Variants in MLYCD observed in about 807,000 individuals in gnomAD.
The protein encoded by MLYCD is malonyl-CoA decarboxylase.
Under a neutral mutation model 35.8 loss-of-function variants are expected in MLYCD, and 27 were observed. The observed-to-expected ratio is 0.75, with a 90% CI of 0.56 to 1.04. MLYCD has a LOEUF of 1.04. Among genes scored for constraint, MLYCD ranks in the 50% least tolerant of loss-of-function variants. MLYCD has a pLI of 0.00. For synonymous variants in MLYCD, 403 were observed against 302.4 expected (o/e 1.33, Z -3.45); for missense variants, 917 against 665.1 (o/e 1.38, Z -4.17).
intron 3 of MLYCD, among the ~76,000 whole-genome samples, chr16:83,910,813 G>C (rs1249911835): frequency 6.6e-6 from 1 of 152,156 alleles, no homozygotes; most frequent in East Asian, 1.9e-4. Context: ...TCGGGCCTCG[G>C]AGGATATGTC....
At chr16:83,911,065 C>T (rs1474187986) in intron 3 of MLYCD, among the ~76,000 whole-genome samples, 3 of 152,158 alleles carry the variant, frequency 2.0e-5, no homozygotes, top group South Asian at 4.1e-4. Context: ...CAACCTCCGC[C>T]TCCCGGGTTC....
Position 83,916,826 on chromosome 16 carries a change from C to T in MLYCD, c.*1337C>T, listed in dbSNP as rs1266546012. The T allele has an allele frequency of 1.7e-5, 2 of 119,936 alleles. No individual in the cohort carries two copies. The highest frequency in any genetic ancestry group is 3.3e-5 in the African/African-American group (1 of 29,882). 7.4% of individuals were successfully genotyped at this position (119,936 alleles called of 1,614,324 possible). On this transcript the variant is annotated 3_prime_UTR_variant, in exon 5 of 5. Transcript: ENST00000262430. ...CAGTGCACGCCTGTGTGCGTGTGCA[C>T]GAGCGTCTCTGTGTGTCAGTGCACG...
intron 2 of MLYCD, 41 bp downstream of exon 2, chr16:83,907,140 T>C: frequency 1.3e-6 from 2 of 1,491,750 alleles, no homozygotes; most frequent in Admixed American, 1.7e-5. Context: ...CATACATTTT[T>C]CATATATATT....
chr16:83,901,589 C>T (rs748420094), intron 1 of MLYCD, among the ~76,000 whole-genome samples: 6 of 152,188 alleles, frequency 3.9e-5, no homozygotes, highest in Non-Finnish European at 2.9e-5. Flanking sequence ...TTCTCACATC[C>T]GGTCCAATTC....
intron 3 of MLYCD, chr16:83,911,886 C>A: frequency 2.8e-6 from 1 of 355,796 alleles, no homozygotes; most frequent in Non-Finnish European, 5.4e-6. Flanking sequence ...TGAGTGTTGG[C>A]CGGAGAGTTT....
chr16:83,905,483 C>G (rs1906941029), intron 1 of MLYCD, among the ~76,000 whole-genome samples: 1 of 152,178 alleles, frequency 6.6e-6, no homozygotes. Flanking sequence ...CAGCCCAGAG[C>G]TGATTCTGCT....
At position 83,899,568 on chromosome 16, in the gene MLYCD, C is replaced by T. The variant is rs1567630540; in HGVS notation, c.424C>T (p.His142Tyr). The T allele has an allele frequency of 6.3e-7, 1 of 1,593,598 alleles. No homozygotes were observed. Among genetic ancestry groups the T allele is most frequent in the East Asian group, 2.3e-5 (1 of 44,414 alleles). ...ALVPRYRGLF[H>Y]HISKLDGGVR... The stretch of plus-strand genomic sequence containing the variant: ...GGTGCCGCGCTATCGCGGCCTCTTC[C>T]ACCACATCAGCAAGCTGGACGGCGG... Residue 142 changes from histidine to tyrosine, a missense_variant, in exon 1 of 5, where the codon CAC (histidine) becomes TAC (tyrosine). Coordinates refer to ENST00000262430, the MANE Select transcript of MLYCD (RefSeq NM_012213.3).
At chr16:83,904,438 A>G (rs1906906436) in intron 1 of MLYCD, among the ~76,000 whole-genome samples, 1 of 152,224 alleles carries the variant, frequency 6.6e-6, no homozygotes, top group African/African-American at 2.4e-5. Flanking sequence ...GAATTGCTAT[A>G]GTCAAATGCA....
rs113252752 is a variant in MLYCD, at chr16:83,910,690, C to CA, written c.799-1511dup. ...TGGGCGACAGAGCAAGACTCCATCT[C>CA]AAAAAAAAAAAAAAAAAGAAAGGAG... On this transcript the variant is annotated intron_variant, in intron 3 of 4. Coordinates refer to ENST00000262430, the MANE Select transcript of MLYCD (RefSeq NM_012213.3). Among the ~76,000 whole-genome samples, 725 of 93,304 alleles carry CA rather than the reference C, an allele frequency of 7.8e-3. 10 individuals are homozygous for CA. The highest frequency in any genetic ancestry group is 0.032 in the South Asian group (89 of 2,812). The allele number at this position is 93,304 out of a possible 152,430, so 61.2% of individuals were successfully genotyped here. A position where few individuals can be genotyped will look rare whatever the true frequency, so the allele number is the denominator to read the frequency against.
rs1907735701 is a variant in MLYCD at position 83,924,125 on chromosome 16, CAGG to C, written c.*8641_*8643del. The C allele has an allele frequency of 6.6e-6, 1 of 152,296 alleles. No individual in the cohort carries two copies. The allele number at this position is 152,296 out of a possible 1,614,324, so 9.4% of individuals were successfully genotyped here. A position where few individuals can be genotyped will look rare whatever the true frequency, so the allele number is the denominator to read the frequency against. ...GAGGGGCAGCCAGACCACGGGAAGA[CAGG>C]AGGAACCCGGACCTGGCTCTCGTGC... On this transcript the variant is annotated 3_prime_UTR_variant, in exon 5 of 5. Coordinates refer to ENST00000262430, the MANE Select transcript of MLYCD (RefSeq NM_012213.3).
Position 83,915,930 on chromosome 16 carries a change from G to A in MLYCD, c.*441G>A. 1 of 1,074,614 alleles carries A rather than the reference G, an allele frequency of 9.3e-7. No individual in the cohort carries two copies. The highest frequency in any genetic ancestry group is 1.1e-6 in the Non-Finnish European group (1 of 883,146). The allele number at this position is 1,074,614 out of a possible 1,614,324, so 66.6% of individuals were successfully genotyped here. A position where few individuals can be genotyped will look rare whatever the true frequency, so the allele number is the denominator to read the frequency against. Reference sequence around the variant, plus strand: ...CATAAAACAGAATGCGGCGATGGTTGCTTTAGCCGTTTCTCACCATGCAAT... The same window carrying A: ...CATAAAACAGAATGCGGCGATGGTTACTTTAGCCGTTTCTCACCATGCAAT... On this transcript the variant is annotated 3_prime_UTR_variant, in exon 5 of 5. Coordinates refer to ENST00000262430, the MANE Select transcript of MLYCD (RefSeq NM_012213.3).
Position 83,915,731 on chromosome 16 carries a change from C to G in MLYCD, c.*242C>G, listed in dbSNP as rs1907361154. 7.2e-7 allele frequency: 1 copy of G among 1,396,542 alleles called. No homozygotes were observed. Among genetic ancestry groups the G allele is most frequent in the Non-Finnish European group, 9.3e-7 (1 of 1,073,032 alleles). 86.5% of individuals were successfully genotyped at this position (1,396,542 alleles called of 1,614,324 possible). A position where few individuals can be genotyped will look rare whatever the true frequency, so the allele number is the denominator to read the frequency against. Reference sequence around the variant, plus strand: ...ACAAATGAGTGGGTTGCTGTGCTGTCTCCGGAAGATTCTGTCGTTGCCCTT... The same window carrying G: ...ACAAATGAGTGGGTTGCTGTGCTGTGTCCGGAAGATTCTGTCGTTGCCCTT... On this transcript the variant is annotated 3_prime_UTR_variant, in exon 5 of 5. Coordinates refer to ENST00000262430, the MANE Select transcript of MLYCD (RefSeq NM_012213.3).
Position 83,915,598 on chromosome 16 carries a change from C to T in MLYCD, c.*109C>T. On this transcript the variant is annotated 3_prime_UTR_variant, in exon 5 of 5. Coordinates refer to ENST00000262430, the MANE Select transcript of MLYCD (RefSeq NM_012213.3). ...GCTTTCCAAGCAAAGCCAAAGTTGA[C>T]TGTGTTCTTGTCCCGCAGCCGGTCC... 1.9e-6 allele frequency: 3 copies of T among 1,540,946 alleles called. No individual in the cohort carries two copies. In the South Asian group the frequency reaches 3.6e-5, roughly 18 times the overall value.
intron 4 of MLYCD, 113 bp from the exon 5 acceptor site, chr16:83,914,843 C>G: frequency 6.9e-7 from 1 of 1,445,896 alleles, no homozygotes; most frequent in Non-Finnish European, 9.7e-7. Context: ...GTCACTCTGA[C>G]CGCTACACAG....
At chr16:83,914,844 C>T (rs926648685) in intron 4 of MLYCD, 112 bp from the exon 5 acceptor site, 62 of 1,446,864 alleles carry the variant, frequency 4.3e-5, no homozygotes, top group Non-Finnish European at 5.4e-5. Context: ...TCACTCTGAC[C>T]GCTACACAGC....
rs763847510 is a variant in MLYCD, at chr16:83,914,936, A to G, written c.949-20A>G. On this transcript the variant is annotated intron_variant, in intron 4 of 4. Transcript: ENST00000262430. Reference sequence around the variant, plus strand: ...TTGTGTTTTCTCCGCCTTCCTTTCCACCCCAACCATGCTTTACAGAGAGAG... The same window carrying G: ...TTGTGTTTTCTCCGCCTTCCTTTCCGCCCCAACCATGCTTTACAGAGAGAG... The G allele has an allele frequency of 9.3e-6, 15 of 1,613,968 alleles. No individual in the cohort carries two copies. The highest frequency in any genetic ancestry group is 1.2e-5 in the Non-Finnish European group (14 of 1,180,002).
At chr16:83,902,693 A>G (rs1198174627) in intron 1 of MLYCD, among the ~76,000 whole-genome samples, 1 of 151,562 alleles carries the variant, frequency 6.6e-6, no homozygotes, top group Non-Finnish European at 1.5e-5. Context: ...TTTAGGAGAG[A>G]TGGGGTTTTG....
Position 83,922,693 on chromosome 16 carries a change from C to T in MLYCD, c.*7204C>T, listed in dbSNP as rs117191645. On this transcript the variant is annotated 3_prime_UTR_variant, in exon 5 of 5. Coordinates refer to ENST00000262430, the MANE Select transcript of MLYCD (RefSeq NM_012213.3). ...TGTATATAAAGCAGTTAACTGATGC[C>T]TGCCCTGGGAAGCAGAGCAGTCCCT... 0.022 allele frequency: 3,312 copies of T among 152,414 alleles called. 56 individuals are homozygous for T. The highest frequency in any genetic ancestry group is 0.034 in the Non-Finnish European group (2,286 of 68,076). 9.4% of individuals were successfully genotyped at this position (152,414 alleles called of 1,614,324 possible).
chr16:83,913,528 G>C (rs1460222538), intron 4 of MLYCD: 1 of 152,276 alleles, frequency 6.6e-6, no homozygotes, highest in Non-Finnish European at 1.5e-5. Flanking sequence ...CGCTCGTCAG[G>C]GTTTACAAAA....
Sources: allele counts gnomAD v4.1 joint callset (sites outside exome capture counted in the v4.1 genomes callset), GRCh38; gene constraint gnomAD v4.1.1; transcripts MANE v1.5; gene names NCBI Gene and HGNC (gene_info 2026-07-23, HGNC 2026-07-21).